Variants in SEMA3A observed in about 807,000 individuals in gnomAD.
The protein encoded by SEMA3A is semaphorin 3A.
Under a neutral mutation model 97.9 loss-of-function variants are expected in SEMA3A, and 29 were observed. The observed-to-expected ratio is 0.30, with a 90% CI of 0.22 to 0.40. The LOEUF is 0.40. Ranked by LOEUF, SEMA3A falls within the 10% of genes least tolerant of loss-of-function variation. The probability of loss-of-function intolerance (pLI) is 1.00; values close to 1 mark genes in which losing one functional copy is unlikely to be tolerated. For synonymous variants in SEMA3A, 321 were observed against 323.7 expected, an observed-to-expected ratio of 0.99 and a Z score of 0.09; for missense variants, 763 against 951.3, an observed-to-expected ratio of 0.80 and a Z score of 2.60.
chr7:84,043,879 T>C (rs1377458831), intron 6 of SEMA3A, among the ~76,000 whole-genome samples: 1 of 152,036 alleles, frequency 6.6e-6, no homozygotes, highest in Non-Finnish European at 1.5e-5. Flanking sequence ...ATGCCTGTGT[T>C]TTCCCACAGT....
At chr7:84,230,957 C>T (rs1186090051) in intron 3 of SEMA3A, among the ~76,000 whole-genome samples, 1 of 151,750 alleles carries the variant, frequency 6.6e-6, no homozygotes, top group Non-Finnish European at 1.5e-5. Context: ...TACAGTTTAC[C>T]CCCCAATCTT....
intron 1 of SEMA3A, among the ~76,000 whole-genome samples, chr7:84,177,852 G>A (rs928695462): frequency 1.3e-5 from 2 of 151,974 alleles, no homozygotes; most frequent in African/African-American, 2.4e-5. Context: ...TAAACTTCTG[G>A]ATATAACATT....
chr7:84,246,753 G>A (rs1395633099), intron 3 of SEMA3A, among the ~76,000 whole-genome samples: 1 of 151,832 alleles, frequency 6.6e-6, no homozygotes, highest in Admixed American at 6.6e-5. Context: ...AGCTTGATAT[G>A]TATACATGTA....
At chr7:84,195,729 C>T (rs923987271), upstream of SEMA3A, among the ~76,000 whole-genome samples, 2 of 152,200 alleles carry the variant, frequency 1.3e-5, no homozygotes, top group African/African-American at 4.8e-5. Context: ...CTCTGGCTAA[C>T]ATTTTCAATG....
rs186691593 is a variant in SEMA3A at position 83,970,624 on chromosome 7, G to T, written c.1717+6508C>A. On this transcript the variant is annotated intron_variant, in intron 15 of 16. Transcript: ENST00000265362. ...ATCAATTTTGATGTTCTACTTTATTGTAAGTTTAATTTGTAAATAATACAT... is the reference window on the plus strand; with the variant it reads ...ATCAATTTTGATGTTCTACTTTATTTTAAGTTTAATTTGTAAATAATACAT... Among the ~76,000 whole-genome samples the T allele has an allele frequency of 4.6e-5, 7 of 152,206 alleles. No homozygotes were observed. The East Asian group carries it at 1.4e-3, about 29-fold the overall frequency.
intron 1 of SEMA3A, among the ~76,000 whole-genome samples, chr7:84,150,380 C>CAGT (rs537738314): frequency 6.6e-6 from 1 of 152,134 alleles, no homozygotes; most frequent in Non-Finnish European, 1.5e-5. Flanking sequence ...TCAGTGGGTG[C>CAGT]GCACACTGTG....
chr7:84,424,730 AT>A (rs1366765845), intron 1 of SEMA3A, among the ~76,000 whole-genome samples: 1 of 100,460 alleles, frequency 1.0e-5, no homozygotes, highest in African/African-American at 4.1e-5. Flanking sequence ...TTATTTATAT[AT>A]TATATATTTA....
At chr7:84,451,980 CTCTTA>C (rs1350750921) in intron 1 of SEMA3A, among the ~76,000 whole-genome samples, 1 of 152,156 alleles carries the variant, frequency 6.6e-6, no homozygotes, top group African/African-American at 2.4e-5. Flanking sequence ...TCTTCTCCTA[CTCTTA>C]ATCTATAAGT....
intron 1 of SEMA3A, among the ~76,000 whole-genome samples, chr7:84,430,939 G>T (rs1804963758): frequency 6.6e-6 from 1 of 151,842 alleles, no homozygotes; most frequent in Non-Finnish European, 1.5e-5. Flanking sequence ...AGCACTTTCA[G>T]GTTGATAGCA....
At chr7:84,139,447 G>A (rs1026795389) in intron 1 of SEMA3A, among the ~76,000 whole-genome samples, 7 of 152,128 alleles carry the variant, frequency 4.6e-5, no homozygotes, top group African/African-American at 1.7e-4. Context: ...AATTTGGAAG[G>A]TGACTAAAGA....
intron 1 of SEMA3A, among the ~76,000 whole-genome samples, chr7:84,176,439 T>A (rs1394401259): frequency 6.6e-6 from 1 of 152,188 alleles, no homozygotes; most frequent in Non-Finnish European, 1.5e-5. Flanking sequence ...ATGTAAAACC[T>A]ATCAGAAATT....
In SEMA3A at chr7:84,424,522, GTTATAT is replaced by G. The variant is rs1562942478; in HGVS notation, c.-245-52628_-245-52623del. The stretch of plus-strand genomic sequence containing the variant: ...ATATAATATATAAATATTAATATAT[GTTATAT>G]ATAATATATAAATATTAATATATAT... On this transcript the variant is annotated intron_variant, in intron 1 of 3. Transcript: ENST00000424555. 3.4e-3 allele frequency among the ~76,000 whole-genome samples: 237 copies of G among 69,474 alleles called. 3 individuals are homozygous for G. Among genetic ancestry groups the G allele is most frequent in the African/African-American group, 0.013 (231 of 18,278 alleles). 45.6% of individuals were successfully genotyped at this position (69,474 alleles called of 152,430 possible).
intron 1 of SEMA3A, among the ~76,000 whole-genome samples, chr7:84,384,154 T>C (rs540248380): frequency 6.6e-6 from 1 of 152,322 alleles, no homozygotes; most frequent in Admixed American, 6.5e-5. Context: ...TTTGAGAAGA[T>C]ATTAGAGCAG....
intron 2 of SEMA3A, among the ~76,000 whole-genome samples, chr7:84,350,807 C>T (rs1311401497): frequency 1.3e-5 from 2 of 152,064 alleles, no homozygotes; most frequent in African/African-American, 4.8e-5. Flanking sequence ...ACTTGTATTT[C>T]TCAATTGTCT....
Position 84,367,692 on chromosome 7 carries a change from T to C in SEMA3A, c.-169+4132A>G, listed in dbSNP as rs934188741. On this transcript the variant is annotated intron_variant, in intron 2 of 3. Coordinates refer to the SEMA3A transcript ENST00000424555. Reference sequence around the variant, plus strand: ...GGAATAATGGAATGAAAAAGGCAGATAGGTGAGAAAGCAAGACTTGCATTT... The same window carrying C: ...GGAATAATGGAATGAAAAAGGCAGACAGGTGAGAAAGCAAGACTTGCATTT... Among the ~76,000 whole-genome samples, 6 of 150,762 alleles carry C rather than the reference T, an allele frequency of 4.0e-5. No homozygotes were observed. In the South Asian group the frequency reaches 1.2e-3, roughly 31 times the overall value.
At chr7:84,455,152 C>G (rs1010169527) in intron 1 of SEMA3A, among the ~76,000 whole-genome samples, 35 of 151,816 alleles carry the variant, frequency 2.3e-4, no homozygotes, top group Admixed American at 2.2e-3. Flanking sequence ...AGTTTTTCAA[C>G]AAGAAAATGA....
intron 1 of SEMA3A, among the ~76,000 whole-genome samples, chr7:84,436,458 C>G (rs985561049): frequency 6.6e-6 from 1 of 152,102 alleles, no homozygotes; most frequent in African/African-American, 2.4e-5. Flanking sequence ...TATCCACAAT[C>G]TATAAGGAAC....
intron 1 of SEMA3A, among the ~76,000 whole-genome samples, chr7:84,166,638 C>T (rs887913200): frequency 1.1e-4 from 17 of 150,952 alleles, no homozygotes; most frequent in African/African-American, 4.1e-4. Flanking sequence ...TTTGGGAGGC[C>T]AAGGTGGGTG....
intron 12 of SEMA3A, among the ~76,000 whole-genome samples, chr7:83,996,405 C>T (rs1194844862): frequency 6.7e-6 from 1 of 149,246 alleles, no homozygotes; most frequent in Non-Finnish European, 1.5e-5. Context: ...CAGGTTCAAG[C>T]GATTCTCCTG....
Sources: gnomAD v4.1 joint callset for allele counts (sites outside exome capture counted in the v4.1 genomes callset) on GRCh38, gnomAD v4.1.1 for gene constraint, MANE v1.5 for transcripts, NCBI Gene and HGNC (gene_info 2026-07-23, HGNC 2026-07-21) for gene names.